Variants in MBTD1 observed in about 807,000 individuals in gnomAD.
MBTD1 encodes MBT domain-containing protein 1.
MBTD1 carries 24 observed loss-of-function variants against 87.8 expected under a neutral mutation model. The ratio of observed to expected loss-of-function variants is 0.27; its 90% confidence interval spans 0.20 to 0.38. The LOEUF is 0.38. Ranked by LOEUF, MBTD1 falls within the 10% of genes least tolerant of loss-of-function variation. The pLI, the probability that MBTD1 is intolerant of heterozygous loss-of-function variation, is 1.00. For synonymous variants in MBTD1, 237 were observed against 248.6 expected (o/e 0.95, Z 0.44); for missense variants, 436 against 760.2 (o/e 0.57, Z 5.02).
At chr17:51,244,895 C>G (rs1482243623) in intron 2 of MBTD1, among the ~76,000 whole-genome samples, 1 of 152,034 alleles carries the variant, frequency 6.6e-6, no homozygotes, top group East Asian at 1.9e-4. Context: ...GCACTTAATG[C>G]AGTTCTACAG....
intron 2 of MBTD1, among the ~76,000 whole-genome samples, chr17:51,253,323 C>T (rs1267574353): frequency 2.0e-5 from 3 of 152,058 alleles, no homozygotes; most frequent in African/African-American, 7.2e-5. Context: ...GGAATCTGTC[C>T]TTCAGAAATA....
rs112339272 is a variant in MBTD1 at position 51,232,949 on chromosome 17, G to A, written c.-48-7740C>T. Among the ~76,000 whole-genome samples, 22 of 151,214 alleles carry A rather than the reference G, an allele frequency of 1.5e-4. 2 individuals carry two copies. The highest frequency in any genetic ancestry group is 5.3e-4 in the African/African-American group (22 of 41,270). The stretch of plus-strand genomic sequence containing the variant: ...TGCTTGTGGTCCCAGCTACTCAGGA[G>A]GCTGAGATGAGAGGATCACTTGAGC... On this transcript the variant is annotated intron_variant, in intron 2 of 16. Transcript: ENST00000586178.
chr17:51,232,646 C>T lies in MBTD1; in HGVS notation c.-48-7437G>A, dbSNP rs116891989. ...AAATAAGAGAACAGAATGTAAAGAT[C>T]CAATAAAAGTCTAATAAGAATTCTT... On this transcript the variant is annotated intron_variant, in intron 2 of 16. Transcript: ENST00000586178. Among the ~76,000 whole-genome samples the T allele has an allele frequency of 1.7e-3, 260 of 151,950 alleles. 2 individuals are homozygous for T. The highest frequency in any genetic ancestry group is 2.3e-3 in the Non-Finnish European group (156 of 67,948).
chr17:51,194,945 C>G (rs559158967), intron 13 of MBTD1, among the ~76,000 whole-genome samples: 1 of 152,208 alleles, frequency 6.6e-6, no homozygotes, highest in Non-Finnish European at 1.5e-5. Context: ...GCCTACATTA[C>G]TGACTCAACA....
At chr17:51,201,793 C>T in intron 11 of MBTD1, 97 bp from the exon 12 acceptor site, 3 of 840,002 alleles carry the variant, frequency 3.6e-6, no homozygotes, top group Non-Finnish European at 5.9e-6. Context: ...GGTGCCTTCT[C>T]CTACCTACCT....
At chr17:51,231,899 G>A (rs973407378) in intron 2 of MBTD1, among the ~76,000 whole-genome samples, 3 of 150,956 alleles carry the variant, frequency 2.0e-5, no homozygotes, top group Non-Finnish European at 4.4e-5. Flanking sequence ...GAATACCAGC[G>A]AACTAAATAT....
chr17:51,201,158 A>T (rs2051466906), intron 12 of MBTD1, among the ~76,000 whole-genome samples: 1 of 152,022 alleles, frequency 6.6e-6, no homozygotes, highest in Non-Finnish European at 1.5e-5. Context: ...CAAAAAACCC[A>T]AGAATTTCTC....
At chr17:51,192,044 T>C (rs896589416) in intron 16 of MBTD1, 159 bp downstream of exon 16, 4 of 632,166 alleles carry the variant, frequency 6.3e-6, no homozygotes, top group Non-Finnish European at 5.6e-6. Context: ...TTCTCATTAT[T>C]GCAAGGGTTT....
Position 51,254,845 on chromosome 17 carries a change from A to G in MBTD1, c.-49+4298T>C, listed in dbSNP as rs560127839. 3.9e-5 allele frequency among the ~76,000 whole-genome samples: 6 copies of G among 152,358 alleles called. No homozygotes were observed. The East Asian group carries it at 1.2e-3, about 29-fold the overall frequency. Reference sequence around the variant, plus strand: ...AAATAAGATGACCATATCAAAATTAAGTCTGAAACATGCAGTGGCCTAGAG... The same window carrying G: ...AAATAAGATGACCATATCAAAATTAGGTCTGAAACATGCAGTGGCCTAGAG... On this transcript the variant is annotated intron_variant, in intron 2 of 16. Coordinates refer to ENST00000586178, the MANE Select transcript of MBTD1 (RefSeq NM_017643.3).
At chr17:51,191,260 C>CTTTTT (rs10545166) in intron 16 of MBTD1, among the ~76,000 whole-genome samples, 1 of 136,592 alleles carries the variant, frequency 7.3e-6, no homozygotes, top group African/African-American at 2.8e-5. Context: ...GAAAGAATTT[C>CTTTTT]TTTTTTTTTT....
At position 51,203,092 on chromosome 17, in the gene MBTD1, C is replaced by A. The variant is rs368645140; in HGVS notation, c.828+48G>T. 7.7e-6 allele frequency: 11 copies of A among 1,434,242 alleles called. No individual in the cohort carries two copies. In the African/African-American group the frequency reaches 1.6e-4, roughly 20 times the overall value. The allele number at this position is 1,434,242 out of a possible 1,614,324, so 88.8% of individuals were successfully genotyped here. A position where few individuals can be genotyped will look rare whatever the true frequency, so the allele number is the denominator to read the frequency against. On this transcript the variant is annotated intron_variant, in intron 9 of 16. Transcript: ENST00000586178. ...AATTCCTTAAAAATGTTCTCTGTTA[C>A]CCTTGTTTTTTAGAGCTCTTCAGTC...
At chr17:51,187,387 G>C (rs1017796010) in intron 16 of MBTD1, among the ~76,000 whole-genome samples, 3 of 142,140 alleles carry the variant, frequency 2.1e-5, no homozygotes, top group African/African-American at 7.9e-5. Context: ...GGGCAATAAA[G>C]TGAGACCTTG....
intron 6 of MBTD1, among the ~76,000 whole-genome samples, chr17:51,208,735 GGTAA>G (rs754926292): frequency 1.4e-4 from 21 of 152,266 alleles, no homozygotes; most frequent in South Asian, 4.1e-4. Context: ...TTGGCACACT[GGTAA>G]GTAAGTTTGG....
chr17:51,224,164 G>A (rs1013268625), intron 3 of MBTD1, among the ~76,000 whole-genome samples: 4 of 152,168 alleles, frequency 2.6e-5, no homozygotes, highest in African/African-American at 9.7e-5. Flanking sequence ...GTAAAACCAG[G>A]ACAGTTCCAG....
At chr17:51,205,634 C>T (rs183413496) in intron 7 of MBTD1, among the ~76,000 whole-genome samples, 1 of 152,052 alleles carries the variant, frequency 6.6e-6, no homozygotes, top group Non-Finnish European at 1.5e-5. Context: ...GTGACAAAAA[C>T]GTGCTGTATG....
chr17:51,187,414 A>AG (rs1297094101), intron 16 of MBTD1, among the ~76,000 whole-genome samples: 4 of 152,110 alleles, frequency 2.6e-5, no homozygotes, highest in African/African-American at 9.7e-5. Flanking sequence ...AAAAAAAAAA[A>AG]AAAAAGTATC....
chr17:51,260,515 C>G (rs890286130), upstream of MBTD1: 12 of 1,480,386 alleles, frequency 8.1e-6, no homozygotes, highest in Non-Finnish European at 1.1e-5. Flanking sequence ...CGGCGGCGGC[C>G]CGCGAGGGGC....
intron 16 of MBTD1, among the ~76,000 whole-genome samples, chr17:51,189,791 A>C (rs2050712259): frequency 6.6e-6 from 1 of 152,234 alleles, no homozygotes; most frequent in African/African-American, 2.4e-5. Flanking sequence ...TGCTATTGTC[A>C]GTCCACTGAC....
intron 2 of MBTD1, among the ~76,000 whole-genome samples, chr17:51,241,034 A>G (rs1164239525): frequency 6.6e-6 from 1 of 151,850 alleles, no homozygotes; most frequent in African/African-American, 2.4e-5. Context: ...GCTGGAGTGC[A>G]GTGGCGTGAT....
Sources: allele counts gnomAD v4.1 joint callset (sites outside exome capture counted in the v4.1 genomes callset), GRCh38; gene constraint gnomAD v4.1.1; transcripts MANE v1.5; gene names NCBI Gene and HGNC (gene_info 2026-07-23, HGNC 2026-07-21).